CDH13: variants seen among roughly 807,000 people sequenced by gnomAD.
The protein encoded by CDH13 is cadherin 13.
Under a neutral mutation model 63.8 loss-of-function variants are expected in CDH13, and 24 were observed. That is an observed-to-expected ratio of 0.38 (90% CI 0.27 to 0.53). The LOEUF is 0.53. CDH13 is among the 20% of genes least tolerant of loss of function. The pLI is 0.85. For synonymous variants in CDH13, 503 were observed against 355.3 expected (o/e 1.42, Z -4.67); for missense variants, 1,049 against 903.1 (o/e 1.16, Z -2.07).
intron 10 of CDH13, among the ~76,000 whole-genome samples, chr16:83,718,186 T>C (rs962315053): frequency 2.6e-5 from 4 of 152,178 alleles, no homozygotes. Flanking sequence ...CCACACACTC[T>C]GCATTGTCCA....
At chr16:82,711,566 A>C (rs969843476) in intron 1 of CDH13, among the ~76,000 whole-genome samples, 2 of 152,202 alleles carry the variant, frequency 1.3e-5, no homozygotes, top group African/African-American at 4.8e-5. Context: ...AATTAATTCC[A>C]ACATAGACCT....
chr16:83,400,842 G>C (rs1408165375), intron 6 of CDH13, among the ~76,000 whole-genome samples: 1 of 152,130 alleles, frequency 6.6e-6, no homozygotes, highest in Non-Finnish European at 1.5e-5. Flanking sequence ...TGAAGCCTAT[G>C]GGGATTACTT....
chr16:83,354,432 G>A (rs1035251099), intron 6 of CDH13, among the ~76,000 whole-genome samples: 1 of 152,182 alleles, frequency 6.6e-6, no homozygotes, highest in Non-Finnish European at 1.5e-5. Context: ...TAATATTATA[G>A]GGGCTGGGGA....
chr16:83,788,032 A>T (rs1056077827), intron 13 of CDH13, among the ~76,000 whole-genome samples: 2 of 152,208 alleles, frequency 1.3e-5, no homozygotes, highest in Non-Finnish European at 2.9e-5. Context: ...CAAAGAGATA[A>T]AAATTCTATG....
At chr16:83,182,709 A>G (rs2038384522) in intron 4 of CDH13, among the ~76,000 whole-genome samples, 1 of 152,210 alleles carries the variant, frequency 6.6e-6, no homozygotes, top group Non-Finnish European at 1.5e-5. Context: ...TTCTCATTTA[A>G]TCTTCACTTA....
intron 10 of CDH13, among the ~76,000 whole-genome samples, chr16:83,723,861 T>A (rs976382333): frequency 6.6e-6 from 1 of 151,618 alleles, no homozygotes; most frequent in Admixed American, 6.6e-5. Flanking sequence ...GATGCATAGA[T>A]CCATGGAAGA....
intron 3 of CDH13, among the ~76,000 whole-genome samples, chr16:83,052,793 A>G (rs1414017917): frequency 4.7e-5 from 7 of 149,146 alleles, no homozygotes; most frequent in African/African-American, 1.8e-4. Context: ...AAAAAAAAAA[A>G]AAAAAAAAAA....
At chr16:83,736,603 C>T (rs1198980064) in intron 10 of CDH13, among the ~76,000 whole-genome samples, 1 of 151,718 alleles carries the variant, frequency 6.6e-6, no homozygotes, top group Non-Finnish European at 1.5e-5. Context: ...ACGTTGTTTC[C>T]TTACTCTAAT....
At chr16:82,856,390 GA>G (rs1234339038) in intron 1 of CDH13, among the ~76,000 whole-genome samples, 3 of 23,436 alleles carry the variant, frequency 1.3e-4, no homozygotes, top group South Asian at 1.4e-3. Context: ...AAAAAAAAAA[GA>G]AAAGAAAAGA....
At chr16:83,285,469 A>T (rs2089285634) in intron 5 of CDH13, among the ~76,000 whole-genome samples, 1 of 152,140 alleles carries the variant, frequency 6.6e-6, no homozygotes, top group Non-Finnish European at 1.5e-5. Flanking sequence ...AGGTGGTCAC[A>T]GATATCCACA....
chr16:83,274,336 G>C (rs1050172237), intron 5 of CDH13, among the ~76,000 whole-genome samples: 2 of 152,132 alleles, frequency 1.3e-5, no homozygotes, highest in Admixed American at 1.3e-4. Context: ...AGTTAGCTCA[G>C]GCCCTTGGTA....
Position 82,840,792 on chromosome 16 carries a change from A to G in CDH13, c.46-17570A>G, listed in dbSNP as rs578128696. ...GGAAGCTGCTTTAAGGAGATACTGG[A>G]GACATTTTAATGGTGTTGGCCGTTT... is the stretch of plus-strand genomic sequence containing the variant. On this transcript the variant is annotated intron_variant, in intron 1 of 13. Coordinates refer to ENST00000567109, the MANE Select transcript of CDH13 (RefSeq NM_001257.5). Among the ~76,000 whole-genome samples the G allele has an allele frequency of 2.6e-5, 4 of 152,144 alleles. 1 individual carries two copies. In the East Asian group the frequency reaches 7.7e-4, roughly 29 times the overall value.
intron 2 of CDH13, among the ~76,000 whole-genome samples, chr16:82,932,508 T>C (rs894405259): frequency 6.6e-6 from 1 of 152,208 alleles, no homozygotes; most frequent in Admixed American, 6.5e-5. Context: ...AGGTCATTGC[T>C]AAAGAACTGG....
At chr16:82,914,727 C>T (rs923861166) in intron 2 of CDH13, among the ~76,000 whole-genome samples, 2 of 152,198 alleles carry the variant, frequency 1.3e-5, no homozygotes, top group African/African-American at 2.4e-5. Flanking sequence ...ACACGGCTGT[C>T]CTGGCGTCCA....
At chr16:83,696,171 G>A (rs192318346) in intron 10 of CDH13, among the ~76,000 whole-genome samples, 21 of 152,322 alleles carry the variant, frequency 1.4e-4, no homozygotes, top group Admixed American at 2.6e-4. Flanking sequence ...GATTACAGAC[G>A]TGAGCCACCA....
chr16:83,014,774 A>ATATATATATATT (rs1394588994), intron 2 of CDH13, among the ~76,000 whole-genome samples: 1 of 36,314 alleles, frequency 2.8e-5, no homozygotes, highest in African/African-American at 8.8e-5. Context: ...ATATATATAT[A>ATATATATATATT]TGTATATATA....
intron 2 of CDH13, among the ~76,000 whole-genome samples, chr16:82,985,257 G>C (rs950920344): frequency 6.6e-6 from 1 of 152,128 alleles, no homozygotes; most frequent in African/African-American, 2.4e-5. Context: ...AACTTCTTTT[G>C]AATCTAAAGG....
chr16:83,479,351 G>A (rs1053203395), intron 6 of CDH13, among the ~76,000 whole-genome samples: 1 of 152,176 alleles, frequency 6.6e-6, no homozygotes, highest in African/African-American at 2.4e-5. Flanking sequence ...TCTAAATTGT[G>A]AGAGTCAATG....
chr16:83,628,000 G>A (rs1910468813), intron 8 of CDH13, among the ~76,000 whole-genome samples: 1 of 152,202 alleles, frequency 6.6e-6, no homozygotes, highest in South Asian at 2.1e-4. Context: ...TTTGTAAACT[G>A]TCATAGCGCT....
Sources: gnomAD v4.1 joint callset for allele counts (sites outside exome capture counted in the v4.1 genomes callset) on GRCh38, gnomAD v4.1.1 for gene constraint, MANE v1.5 for transcripts, NCBI Gene and HGNC (gene_info 2026-07-23, HGNC 2026-07-21) for gene names.